The following IMPACT variants were observed in gnomAD, a reference collection of about 807,000 sequenced individuals.
IMPACT encodes impact RWD domain protein.
In IMPACT, 35 loss-of-function variants were observed where a neutral mutation model predicts 47.5. The observed-to-expected ratio is 0.74, with a 90% CI of 0.56 to 0.98. The LOEUF (loss-of-function observed/expected upper bound fraction) is 0.98. Among genes scored for constraint, IMPACT ranks in the 50% least tolerant of loss-of-function variants. The probability of loss-of-function intolerance (pLI) is 0.00; values close to 1 mark genes in which losing one functional copy is unlikely to be tolerated. For missense variants in IMPACT, 373 were observed against 394.8 expected, an observed-to-expected ratio of 0.94 and a Z score of 0.47; for synonymous variants, 118 against 125.6, an observed-to-expected ratio of 0.94 and a Z score of 0.40.
rs561493203 is a variant in IMPACT at position 24,428,436 on chromosome 18, A to G, written c.165+389A>G. 2.0e-4 allele frequency among the ~76,000 whole-genome samples: 30 copies of G among 152,348 alleles called. 1 individual carries two copies. The highest frequency in any genetic ancestry group is 2.0e-3 in the Admixed American group (30 of 15,296). On this transcript the variant is annotated intron_variant, in intron 2 of 10. Transcript: ENST00000284202. ...TCATTTCTTTATTAATTGAGAATCAATGATCAATGATCAGTTGTAGTTAGG... is the reference window on the plus strand; with the variant it reads ...TCATTTCTTTATTAATTGAGAATCAGTGATCAATGATCAGTTGTAGTTAGG...
At chr18:24,448,210 T>A (rs1329553657) in intron 9 of IMPACT, 27 bp downstream of exon 9, 2 of 1,487,922 alleles carry the variant, frequency 1.3e-6, no homozygotes, top group South Asian at 2.3e-5. Flanking sequence ...CTATCAATCC[T>A]GTTCTGTACA....
chr18:24,426,911 C>A, intron 1 of IMPACT, 119 bp downstream of exon 1: 2 of 660,164 alleles, frequency 3.0e-6, no homozygotes, highest in Non-Finnish European at 4.3e-6. Flanking sequence ...CCAGCACTGG[C>A]CACGCCATTT....
At chr18:24,443,277 AT>A in intron 7 of IMPACT, 125 bp downstream of exon 7, 1 of 474,052 alleles carries the variant, frequency 2.1e-6, no homozygotes, top group Non-Finnish European at 3.8e-6. Flanking sequence ...TTATTTGTTC[AT>A]TTTTCTACTC....
intron 6 of IMPACT, among the ~76,000 whole-genome samples, chr18:24,442,778 A>G (rs920269285): frequency 2.0e-5 from 3 of 152,208 alleles, no homozygotes; most frequent in Non-Finnish European, 2.9e-5. Context: ...CAGCAGTTCA[A>G]GATTAGTCCC....
chr18:24,432,768 CATCT>C (rs768591616), intron 4 of IMPACT, among the ~76,000 whole-genome samples: 1 of 151,884 alleles, frequency 6.6e-6, no homozygotes, highest in Non-Finnish European at 1.5e-5. Flanking sequence ...CAGAATTGTT[CATCT>C]AGTGGCCATT....
chr18:24,441,115 A>G (rs1451591648), intron 6 of IMPACT, among the ~76,000 whole-genome samples: 1 of 152,240 alleles, frequency 6.6e-6, no homozygotes, highest in Non-Finnish European at 1.5e-5. Flanking sequence ...CCTGGGCTCA[A>G]GTGATCCTTC....
At chr18:24,444,039 T>C (rs925730005) in intron 7 of IMPACT, among the ~76,000 whole-genome samples, 2 of 152,214 alleles carry the variant, frequency 1.3e-5, no homozygotes, top group Admixed American at 6.5e-5. Flanking sequence ...TACAGCTCTT[T>C]GTACCAGGCT....
intron 3 of IMPACT, chr18:24,429,549 A>C (rs1908697515): frequency 6.6e-6 from 1 of 152,096 alleles, no homozygotes; most frequent in South Asian, 2.1e-4. Flanking sequence ...GTAATTGATC[A>C]CAACTGGTTA....
intron 2 of IMPACT, among the ~76,000 whole-genome samples, chr18:24,428,309 T>G (rs572535810): frequency 6.6e-6 from 1 of 152,332 alleles, no homozygotes; most frequent in East Asian, 1.9e-4. Flanking sequence ...CTTCCCTTCA[T>G]TATTCTCTTC....
At chr18:24,448,721 A>G (rs1909307041) in intron 9 of IMPACT, among the ~76,000 whole-genome samples, 2 of 151,970 alleles carry the variant, frequency 1.3e-5, no homozygotes, top group Admixed American at 1.3e-4. Flanking sequence ...GTTCTGTTTT[A>G]TGGCTCCAAT....
Position 24,427,906 on chromosome 18 carries a change from CAA to C in IMPACT, c.37-12_37-11del. On this transcript the variant is annotated splice_polypyrimidine_tract_variant and intron_variant, in intron 1 of 10. Coordinates refer to ENST00000284202, the MANE Select transcript of IMPACT (RefSeq NM_018439.4). The stretch of plus-strand genomic sequence containing the variant: ...GTACATTTGTTGACTTTTAAAAAAT[CAA>C]TTTCTTTCAGAATGAGGAAATTGAA... The C allele has an allele frequency of 6.3e-7, 1 of 1,592,550 alleles. No individual in the cohort carries two copies. The highest frequency in any genetic ancestry group is 8.5e-7 in the Non-Finnish European group (1 of 1,173,608).
At chr18:24,443,752 T>C (rs537820184) in intron 7 of IMPACT, among the ~76,000 whole-genome samples, 1 of 152,268 alleles carries the variant, frequency 6.6e-6, no homozygotes, top group African/African-American at 2.4e-5. Flanking sequence ...GTGACCATAT[T>C]TCCACCCAGG....
intron 6 of IMPACT, 78 bp from the exon 7 acceptor site, chr18:24,442,971 A>C (rs1242103773): frequency 7.3e-6 from 5 of 685,562 alleles, no homozygotes. Context: ...TTTCTTTCCC[A>C]GCTGCCCCCC....
chr18:24,429,189 C>T (rs926975815), intron 3 of IMPACT, among the ~76,000 whole-genome samples: 2 of 152,254 alleles, frequency 1.3e-5, no homozygotes, highest in Admixed American at 6.5e-5. Flanking sequence ...AGGAAACCTT[C>T]CTCTTTAGCC....
At chr18:24,437,810 A>C in intron 4 of IMPACT, 145 bp from the exon 5 acceptor site, 18 of 569,058 alleles carry the variant, frequency 3.2e-5, no homozygotes, top group East Asian at 3.2e-5. Flanking sequence ...AAATGTTGAT[A>C]AACCCCAGGT....
chr18:24,437,608 A>T (rs544168598), intron 4 of IMPACT, among the ~76,000 whole-genome samples: 1 of 152,332 alleles, frequency 6.6e-6, no homozygotes, highest in Admixed American at 6.5e-5. Context: ...GTGATCAGAC[A>T]TCGATACTGA....
chr18:24,447,685 T>C (rs1397795605), intron 8 of IMPACT, among the ~76,000 whole-genome samples: 1 of 152,212 alleles, frequency 6.6e-6, no homozygotes, highest in Non-Finnish European at 1.5e-5. Flanking sequence ...TAAGGCTCTT[T>C]GAAGACAGAT....
rs540422607 is a variant in IMPACT, at chr18:24,443,273, G to T, written c.594+121G>T. The T allele has an allele frequency of 1.6e-4, 80 of 486,076 alleles. 1 individual carries two copies. Among genetic ancestry groups the T allele is most frequent in the African/African-American group, 1.2e-3 (60 of 48,924 alleles). The allele number at this position is 486,076 out of a possible 1,614,324, so 30.1% of individuals were successfully genotyped here. A position where few individuals can be genotyped will look rare whatever the true frequency, so the allele number is the denominator to read the frequency against. The stretch of plus-strand genomic sequence containing the variant: ...TTTTCATATAAGATAAAAATTATTT[G>T]TTCATTTTTCTACTCCCAAATTACT... On this transcript the variant is annotated intron_variant, in intron 7 of 10. Coordinates refer to ENST00000284202, the MANE Select transcript of IMPACT (RefSeq NM_018439.4).
Position 24,448,097 on chromosome 18 carries a change from T to C in IMPACT, c.673T>C (p.Tyr225His). 1 of 1,602,322 alleles carries C rather than the reference T, an allele frequency of 6.2e-7. No individual in the cohort carries two copies. The highest frequency in any genetic ancestry group is 8.6e-7 in the Non-Finnish European group (1 of 1,169,440). The change falls in exon 9 of 11, where the codon TAT becomes CAT. Residue 225 changes from tyrosine (Y) to histidine (H), a missense_variant. Physicochemically the swap from Tyr to His is moderately conservative, Grantham distance 83. Transcript: ENST00000284202. ...ATHNIYAYRI[Y>H]CEDKQTFLQD... Reference sequence around the variant, plus strand: ...TACTCTTACATGTATTTGCAGAATATATTGTGAGGATAAACAGACCTTCTT... The same window carrying C: ...TACTCTTACATGTATTTGCAGAATACATTGTGAGGATAAACAGACCTTCTT...
Sources: allele counts gnomAD v4.1 joint callset (sites outside exome capture counted in the v4.1 genomes callset), GRCh38; gene constraint gnomAD v4.1.1; transcripts MANE v1.5; gene names NCBI Gene and HGNC (gene_info 2026-07-23, HGNC 2026-07-21).